Variants in AGBL4 observed in about 807,000 individuals in gnomAD.
AGBL4 encodes the protein cytosolic carboxypeptidase 6.
AGBL4 carries 58 observed loss-of-function variants against 66.4 expected under a neutral mutation model. The observed-to-expected ratio is 0.87, with a 90% CI of 0.71 to 1.09. The LOEUF is 1.09. Ranked by LOEUF, AGBL4 falls within the 50% of genes least tolerant of loss-of-function variation. The probability of loss-of-function intolerance (pLI) is 0.00; values close to 1 mark genes in which losing one functional copy is unlikely to be tolerated. For synonymous variants in AGBL4, 234 were observed against 222.9 expected (o/e 1.05, Z -0.44); for missense variants, 579 against 631.0 (o/e 0.92, Z 0.88).
chr1:49,449,480 C>A (rs1570743759), intron 3 of AGBL4, among the ~76,000 whole-genome samples: 1 of 152,154 alleles, frequency 6.6e-6, no homozygotes, highest in Admixed American at 6.5e-5. Flanking sequence ...AAGGCATATT[C>A]CCTCAGAGGC....
chr1:49,543,415 T>C (rs1450311328), intron 3 of AGBL4, among the ~76,000 whole-genome samples: 1 of 152,034 alleles, frequency 6.6e-6, no homozygotes, highest in African/African-American at 2.4e-5. Flanking sequence ...GGAAACTACA[T>C]TCTAGGAGAG....
intron 11 of AGBL4, among the ~76,000 whole-genome samples, chr1:48,576,788 T>C (rs1350054017): frequency 6.6e-6 from 1 of 152,216 alleles, no homozygotes; most frequent in Middle Eastern, 3.2e-3. Flanking sequence ...CAAATCTATT[T>C]CTGTGAATGC....
intron 3 of AGBL4, among the ~76,000 whole-genome samples, chr1:49,680,212 A>C (rs1646664292): frequency 6.6e-6 from 1 of 151,374 alleles, no homozygotes. Flanking sequence ...CACCACACCC[A>C]GCTATTTTTT....
At chr1:49,746,131 G>A (rs982520046) in intron 2 of AGBL4, among the ~76,000 whole-genome samples, 6 of 151,790 alleles carry the variant, frequency 4.0e-5, no homozygotes, top group African/African-American at 9.7e-5. Context: ...TAGCCTCAGC[G>A]TCTCTGCTTG....
At chr1:49,626,529 T>C (rs369997313) in intron 3 of AGBL4, among the ~76,000 whole-genome samples, 7 of 152,164 alleles carry the variant, frequency 4.6e-5, no homozygotes, top group Non-Finnish European at 5.9e-5. Context: ...CTTTGGTAAG[T>C]AGGAGTCTAT....
At chr1:48,755,080 A>T (rs1198568915) in intron 6 of AGBL4, among the ~76,000 whole-genome samples, 1 of 152,210 alleles carries the variant, frequency 6.6e-6, no homozygotes, top group Non-Finnish European at 1.5e-5. Context: ...TAAATGTACA[A>T]ATGAAGACGT....
chr1:49,583,958 C>T (rs1477019511), intron 3 of AGBL4, among the ~76,000 whole-genome samples: 1 of 152,202 alleles, frequency 6.6e-6, no homozygotes, highest in African/African-American at 2.4e-5. Context: ...GATCAGCACT[C>T]TCACTAGATT....
chr1:49,140,444 C>T lies in AGBL4; in HGVS notation c.378-94644G>A, dbSNP rs565806717. On this transcript the variant is annotated intron_variant, in intron 4 of 13. Transcript: ENST00000371839. ...TTCACACCTTTCTTCCATCAGGCTG[C>T]CCTGCCCCAGGAAAACAACCCAATC... 8.3e-4 allele frequency among the ~76,000 whole-genome samples: 126 copies of T among 152,328 alleles called. 1 individual carries two copies. Among genetic ancestry groups the T allele is most frequent in the Non-Finnish European group, 2.1e-4 (14 of 68,032 alleles).
intron 4 of AGBL4, among the ~76,000 whole-genome samples, chr1:49,185,284 G>C (rs1646995962): frequency 6.6e-6 from 1 of 152,198 alleles, no homozygotes; most frequent in Non-Finnish European, 1.5e-5. Context: ...ACCATAGATG[G>C]CAGAAATGCC....
chr1:49,879,301 G>T (rs1647136186), intron 1 of AGBL4, among the ~76,000 whole-genome samples: 1 of 151,450 alleles, frequency 6.6e-6, no homozygotes, highest in Admixed American at 6.6e-5. Flanking sequence ...GCTGGTACCG[G>T]TTGTTTCTTT....
At chr1:48,797,493 T>C (rs1645712442) in intron 6 of AGBL4, among the ~76,000 whole-genome samples, 1 of 152,246 alleles carries the variant, frequency 6.6e-6, no homozygotes, top group Non-Finnish European at 1.5e-5. Context: ...TTTCCTGAGT[T>C]ACTTCACTTA....
intron 4 of AGBL4, among the ~76,000 whole-genome samples, chr1:49,124,731 TA>T (rs1645731284): frequency 6.6e-6 from 1 of 152,190 alleles, no homozygotes; most frequent in Admixed American, 6.5e-5. Context: ...TTTATGGAAA[TA>T]AAACAGTTGA....
intron 2 of AGBL4, among the ~76,000 whole-genome samples, chr1:49,703,323 T>C (rs1647135955): frequency 6.6e-6 from 1 of 151,948 alleles, no homozygotes; most frequent in Non-Finnish European, 1.5e-5. Context: ...AATAATTCCA[T>C]TTACAATAGC....
At chr1:49,020,014 C>T (rs76637846) in intron 5 of AGBL4, among the ~76,000 whole-genome samples, 4,152 of 152,254 alleles carry the variant, frequency 0.027, 202 homozygotes, top group African/African-American at 0.094. Context: ...GTTTATATTA[C>T]CCCTGACAAA....
intron 4 of AGBL4, among the ~76,000 whole-genome samples, chr1:49,166,441 A>C (rs920673747): frequency 1.3e-5 from 2 of 152,138 alleles, no homozygotes; most frequent in African/African-American, 4.8e-5. Context: ...AGAGTAATTT[A>C]GTGGTTTAAC....
In AGBL4 at chr1:49,514,707, C is replaced by A. The variant is rs566918771; in HGVS notation, c.282+182606G>T. Among the ~76,000 whole-genome samples the A allele has an allele frequency of 1.1e-3, 173 of 152,016 alleles. 1 individual carries two copies. Among genetic ancestry groups the A allele is most frequent in the African/African-American group, 4.0e-3 (165 of 41,500 alleles). On this transcript the variant is annotated intron_variant, in intron 3 of 13. Coordinates refer to ENST00000371839, the MANE Select transcript of AGBL4 (RefSeq NM_032785.4). ...AACAGAGATATAGATCAATGGAACA[C>A]AACAGAGCCCTCAGAAATAATGCTG...
intron 3 of AGBL4, among the ~76,000 whole-genome samples, chr1:49,642,611 A>G (rs985671997): frequency 6.6e-6 from 1 of 151,986 alleles, no homozygotes; most frequent in African/African-American, 2.4e-5. Flanking sequence ...ACCAAAAAGG[A>G]TTAAAAGGAA....
At chr1:49,649,774 T>A (rs1440554118) in intron 3 of AGBL4, among the ~76,000 whole-genome samples, 1 of 152,054 alleles carries the variant, frequency 6.6e-6, no homozygotes, top group Non-Finnish European at 1.5e-5. Flanking sequence ...TTTAAAAGAA[T>A]GGAATTCATA....
chr1:48,944,095 C>A (rs1656245997), intron 5 of AGBL4, among the ~76,000 whole-genome samples: 1 of 152,086 alleles, frequency 6.6e-6, no homozygotes, highest in African/African-American at 2.4e-5. Flanking sequence ...AAGGCACTGG[C>A]CTGCCTCATT....
Sources: allele counts gnomAD v4.1 joint callset (sites outside exome capture counted in the v4.1 genomes callset), GRCh38; gene constraint gnomAD v4.1.1; transcripts MANE v1.5; gene names NCBI Gene and HGNC (gene_info 2026-07-23, HGNC 2026-07-21).